IQCJ: variants seen among roughly 807,000 people sequenced by gnomAD.
IQCJ encodes IQ domain-containing protein J.
Under a neutral mutation model 11.0 loss-of-function variants are expected in IQCJ, and 9 were observed. The observed-to-expected ratio is 0.82, with a 90% CI of 0.49 to 1.43. The LOEUF is 1.43. Among genes scored for constraint, IQCJ ranks in the 40% most tolerant of loss-of-function variants. The pLI is 0.00. For missense variants in IQCJ, 146 were observed against 133.2 expected (o/e 1.10, Z -0.47); for synonymous variants, 55 against 51.3 (o/e 1.07, Z -0.31).
intron 1 of IQCJ, among the ~76,000 whole-genome samples, chr3:159,121,544 G>A (rs1719383387): frequency 6.6e-6 from 1 of 152,136 alleles, no homozygotes; most frequent in East Asian, 1.9e-4. Context: ...AGTCCATCCT[G>A]GTGAAAGGAG....
intron 1 of IQCJ, among the ~76,000 whole-genome samples, chr3:159,221,180 G>A (rs1402585282): frequency 6.6e-6 from 1 of 152,158 alleles, no homozygotes; most frequent in Non-Finnish European, 1.5e-5. Context: ...GAAAAGGCCA[G>A]AATTCAAATG....
At chr3:159,179,945 G>A (rs73877521) in intron 1 of IQCJ, among the ~76,000 whole-genome samples, 7,319 of 149,010 alleles carry the variant, frequency 0.049, 581 homozygotes, top group African/African-American at 0.17. Flanking sequence ...AAAAGACTAA[G>A]CATGTGGAGA....
In IQCJ at chr3:159,173,488, G is replaced by A. The variant is rs941694872; in HGVS notation, c.10-72355G>A. 5.9e-5 allele frequency among the ~76,000 whole-genome samples: 9 copies of A among 152,080 alleles called. No homozygotes were observed. In the South Asian group the frequency reaches 1.5e-3, roughly 25 times the overall value. Reference sequence around the variant, plus strand: ...GTTTCTTTTATTCCACTCCTACATCGCAGGATAGTTTTACGTTACCCTTTC... The same window carrying A: ...GTTTCTTTTATTCCACTCCTACATCACAGGATAGTTTTACGTTACCCTTTC... On this transcript the variant is annotated intron_variant, in intron 1 of 3. Transcript: ENST00000397832.
chr3:159,237,142 T>TA (rs1726640789), intron 1 of IQCJ, among the ~76,000 whole-genome samples: 1 of 152,218 alleles, frequency 6.6e-6, no homozygotes, highest in Admixed American at 6.5e-5. Flanking sequence ...TCAGAAAAGT[T>TA]AAAAGGTTGG....
intron 3 of IQCJ, among the ~76,000 whole-genome samples, chr3:159,259,151 T>C (rs1384125295): frequency 6.6e-6 from 1 of 151,946 alleles, no homozygotes; most frequent in Non-Finnish European, 1.5e-5. Context: ...TGGCTGTGAG[T>C]GCATGACAGA....
At chr3:159,176,826 T>G (rs966195849) in intron 1 of IQCJ, among the ~76,000 whole-genome samples, 2 of 152,196 alleles carry the variant, frequency 1.3e-5, no homozygotes, top group African/African-American at 4.8e-5. Context: ...GGTACCATAT[T>G]GACCAGGGAA....
chr3:159,162,207 T>C (rs1721905188), intron 1 of IQCJ, among the ~76,000 whole-genome samples: 1 of 152,172 alleles, frequency 6.6e-6, no homozygotes, highest in Non-Finnish European at 1.5e-5. Context: ...TTTATTTCCT[T>C]GAGCAGTGGT....
intron 1 of IQCJ, among the ~76,000 whole-genome samples, chr3:159,196,775 A>G (rs1724006904): frequency 6.6e-6 from 1 of 152,202 alleles, no homozygotes; most frequent in South Asian, 2.1e-4. Context: ...CTGAGATGTT[A>G]TGTAACTTAC....
chr3:159,182,107 T>C (rs1577064953), intron 1 of IQCJ, among the ~76,000 whole-genome samples: 1 of 151,936 alleles, frequency 6.6e-6, no homozygotes, highest in Admixed American at 6.6e-5. Context: ...AACAAATGCC[T>C]TACCTCAGTT....
chr3:159,163,051 G>A (rs1448612614), intron 1 of IQCJ, among the ~76,000 whole-genome samples: 2 of 152,146 alleles, frequency 1.3e-5, no homozygotes, highest in Admixed American at 6.5e-5. Flanking sequence ...GAAAAAGAGG[G>A]AATCCTCCCT....
chr3:159,092,768 G>T (rs1330734365), intron 1 of IQCJ, among the ~76,000 whole-genome samples: 1 of 148,736 alleles, frequency 6.7e-6, no homozygotes, highest in Non-Finnish European at 1.5e-5. Context: ...AATGTAAACT[G>T]TTATAAGATA....
Position 159,262,850 on chromosome 3 carries a change from C to T in IQCJ, c.*119C>T. ...ACCCATGGTGAGAGTTTTGTCACCT[C>T]AAAATAAAGACACAATTCATAAGCA... On this transcript the variant is annotated 3_prime_UTR_variant, in exon 4 of 4. Transcript: ENST00000397832. 1 of 1,431,440 alleles carries T rather than the reference C, an allele frequency of 7.0e-7. No homozygotes were observed. Among genetic ancestry groups the T allele is most frequent in the South Asian group, 1.7e-5 (1 of 58,506 alleles). The allele number at this position is 1,431,440 out of a possible 1,614,324, so 88.7% of individuals were successfully genotyped here. A position where few individuals can be genotyped will look rare whatever the true frequency, so the allele number is the denominator to read the frequency against.
intron 1 of IQCJ, among the ~76,000 whole-genome samples, chr3:159,223,768 C>T (rs1391895157): frequency 6.6e-6 from 1 of 151,996 alleles, no homozygotes; most frequent in Non-Finnish European, 1.5e-5. Flanking sequence ...TCCTGAGCAC[C>T]AACATGATGC....
intron 1 of IQCJ, among the ~76,000 whole-genome samples, chr3:159,192,485 G>A: frequency 6.6e-6 from 1 of 152,156 alleles, no homozygotes; most frequent in East Asian, 1.9e-4. Flanking sequence ...GGTAGAAATT[G>A]AACTGTGAAG....
At chr3:159,073,957 A>G (rs1715750274) in intron 1 of IQCJ, among the ~76,000 whole-genome samples, 2 of 152,140 alleles carry the variant, frequency 1.3e-5, no homozygotes, top group African/African-American at 4.8e-5. Flanking sequence ...TTGTAGAGTT[A>G]AGATTTCCCA....
At chr3:159,251,378 A>G (rs1243765413) in intron 2 of IQCJ, among the ~76,000 whole-genome samples, 5 of 151,490 alleles carry the variant, frequency 3.3e-5, no homozygotes, top group African/African-American at 1.2e-4. Context: ...CCCACCACAA[A>G]TCATCCTTAA....
At chr3:159,201,684 G>T (rs1448831568) in intron 1 of IQCJ, among the ~76,000 whole-genome samples, 1 of 142,170 alleles carries the variant, frequency 7.0e-6, no homozygotes, top group African/African-American at 2.7e-5. Context: ...GCCCAGGCTG[G>T]AGTGCAGTGG....
At position 159,160,806 on chromosome 3, in the gene IQCJ, G is replaced by A. The variant is rs1316059950; in HGVS notation, c.10-85037G>A. 2.0e-5 allele frequency among the ~76,000 whole-genome samples: 3 copies of A among 151,194 alleles called. No homozygotes were observed. The East Asian group carries it at 5.8e-4, about 29-fold the overall frequency. On this transcript the variant is annotated intron_variant, in intron 1 of 3. Coordinates refer to ENST00000397832, the MANE Select transcript of IQCJ (RefSeq NM_001042706.3). ...TGTTTGGTTTTTTGTTCTTGCGATA[G>A]TTTACTGAGAATGATGATTTCCAAT...
intron 1 of IQCJ, among the ~76,000 whole-genome samples, chr3:159,156,259 G>C (rs1291765652): frequency 6.6e-6 from 1 of 152,166 alleles, no homozygotes; most frequent in Non-Finnish European, 1.5e-5. Context: ...TTACTGGGAA[G>C]ATTGAATATG....
Sources: gnomAD v4.1 joint callset for allele counts (sites outside exome capture counted in the v4.1 genomes callset) on GRCh38, gnomAD v4.1.1 for gene constraint, MANE v1.5 for transcripts, NCBI Gene and HGNC (gene_info 2026-07-23, HGNC 2026-07-21) for gene names.